The following TTBK1 variants were observed in gnomAD, a reference collection of about 807,000 sequenced individuals.
The protein encoded by TTBK1 is tau-tubulin kinase 1.
Under a neutral mutation model 108.5 loss-of-function variants are expected in TTBK1, and 34 were observed. The observed-to-expected ratio is 0.31, with a 90% CI of 0.24 to 0.42. The LOEUF is 0.42. Among genes scored for constraint, TTBK1 ranks in the 10% least tolerant of loss-of-function variants. The pLI is 1.00. For missense variants in TTBK1, 1,539 were observed against 1,826.0 expected (o/e 0.84, Z 2.86); for synonymous variants, 809 against 795.1 (o/e 1.02, Z -0.29).
Position 43,270,770 on chromosome 6 carries a change from G to A in TTBK1, c.1986+7420G>A, listed in dbSNP as rs77237457. The A allele has an allele frequency of 8.4e-5, 83 of 985,454 alleles. No homozygotes were observed. The East Asian group carries it at 6.2e-3, about 74-fold the overall frequency. 61.0% of individuals were successfully genotyped at this position (985,454 alleles called of 1,614,324 possible). On this transcript the variant is annotated intron_variant, in intron 13 of 14. Transcript: ENST00000259750. ...CCAAGGCAGGCTGGAACTGAGCAAC[G>A]AGGAGACCCAGCTTAGAAGCAGTGG...
At chr6:43,280,558 C>T (rs1474322583) in intron 13 of TTBK1, among the ~76,000 whole-genome samples, 2 of 152,146 alleles carry the variant, frequency 1.3e-5, no homozygotes, top group African/African-American at 4.8e-5. Context: ...ACTTGATCCA[C>T]AGATTCTTAG....
At chr6:43,251,778 C>T (rs900883718) in intron 2 of TTBK1, among the ~76,000 whole-genome samples, 5 of 152,334 alleles carry the variant, frequency 3.3e-5, no homozygotes, top group African/African-American at 1.2e-4. Flanking sequence ...GTGCCCCCTG[C>T]CCTGGAGAGG....
At chr6:43,271,866 G>GGGGCGCC in intron 13 of TTBK1, 1 of 979,714 alleles carries the variant, frequency 1.0e-6, no homozygotes, top group South Asian at 4.7e-5. Flanking sequence ...TAATACTTGT[G>GGGGCGCC]CCCCACCCCC....
At chr6:43,262,685 C>G (rs762596908) in intron 12 of TTBK1, 104 bp from the exon 13 acceptor site, 2 of 1,168,064 alleles carry the variant, frequency 1.7e-6, no homozygotes, top group East Asian at 2.6e-5. Flanking sequence ...AGGGGTACTG[C>G]GGTCAGGAGG....
chr6:43,285,082 A>G lies in TTBK1; in HGVS notation c.3672A>G (p.Gly1224=). 6.7e-7 allele frequency: 1 copy of G among 1,489,086 alleles called. No homozygotes were observed. The highest frequency in any genetic ancestry group is 8.9e-7 in the Non-Finnish European group (1 of 1,127,660). The allele number at this position is 1,489,086 out of a possible 1,614,324, so 92.2% of individuals were successfully genotyped here. A position where few individuals can be genotyped will look rare whatever the true frequency, so the allele number is the denominator to read the frequency against. ...TGGGCCCAGGGCGAGCCCAAGCCGG[A>G]GCCAGGCCCCCAGCGCCGCGCAGCC... ...RGLGPGRAQA[G]ARPPAPRSPR... Residue 1224 remains glycine (G), a synonymous_variant, in exon 15 of 15, where the codon GGA becomes GGG. Coordinates refer to ENST00000259750, the MANE Select transcript of TTBK1 (RefSeq NM_032538.3). This position sits in a 1 kb window ranked among gnomAD's most constrained non-coding sequence, Gnocchi z 4.7.
rs1040627812 is a variant in TTBK1 at position 43,243,832 on chromosome 6, G to T, written c.-55+124G>T. The T allele has an allele frequency of 2.0e-5, 3 of 152,554 alleles. No individual in the cohort carries two copies. The highest frequency in any genetic ancestry group is 7.2e-5 in the African/African-American group (3 of 41,436). The allele number at this position is 152,554 out of a possible 1,614,324, so 9.5% of individuals were successfully genotyped here. On this transcript the variant is annotated intron_variant, in intron 1 of 14. Transcript: ENST00000259750. The surrounding 1 kb of genome is among the most constrained non-coding windows in gnomAD (Gnocchi z 5.5). ...CCCCTCCGCGCTGCTGTCGCCGCCC[G>T]CTGGGCTGGGACGCTGGCCTACACC...
At chr6:43,248,776 T>G (rs1480582742) in intron 2 of TTBK1, among the ~76,000 whole-genome samples, 1 of 152,178 alleles carries the variant, frequency 6.6e-6, no homozygotes, top group African/African-American at 2.4e-5. Context: ...GAGGATCGCT[T>G]GAGCCCAGGA....
At position 43,259,345 on chromosome 6, in the gene TTBK1, G is replaced by T. The variant is rs1025944998; in HGVS notation, c.1248+76G>T. 1.1e-5 allele frequency: 15 copies of T among 1,372,096 alleles called. No homozygotes were observed. In the Admixed American group the frequency reaches 3.8e-4, roughly 35 times the overall value. 85.0% of individuals were successfully genotyped at this position (1,372,096 alleles called of 1,614,324 possible). A position where few individuals can be genotyped will look rare whatever the true frequency, so the allele number is the denominator to read the frequency against. On this transcript the variant is annotated intron_variant, in intron 11 of 14. Transcript: ENST00000259750. This position sits in a 1 kb window ranked among gnomAD's most constrained non-coding sequence, Gnocchi z 6.7. ...ATTCCCAGCCTTGTGCCCCTGCCCT[G>T]TTCCTCCTAAGCACCCTGTCCCCGG...
chr6:43,270,173 A>G lies in TTBK1; in HGVS notation c.1986+6823A>G. On this transcript the variant is annotated intron_variant, in intron 13 of 14. Coordinates refer to ENST00000259750, the MANE Select transcript of TTBK1 (RefSeq NM_032538.3). ...CCCATCAGCTCCCTTTGTAGGTGCC[A>G]GCCAAATGGTGCAGGGAGGGGTGGG... 3 of 1,358,152 alleles carry G rather than the reference A, an allele frequency of 2.2e-6. No homozygotes were observed. In the African/African-American group the frequency reaches 4.6e-5, roughly 21 times the overall value. The allele number at this position is 1,358,152 out of a possible 1,614,324, so 84.1% of individuals were successfully genotyped here. A position where few individuals can be genotyped will look rare whatever the true frequency, so the allele number is the denominator to read the frequency against.
intron 2 of TTBK1, among the ~76,000 whole-genome samples, chr6:43,247,338 C>T (rs991054800): frequency 6.6e-6 from 1 of 152,182 alleles, no homozygotes; most frequent in Non-Finnish European, 1.5e-5. Flanking sequence ...TCGGGCTGCT[C>T]GGCCTGCTGG....
At chr6:43,284,449 C>G in intron 14 of TTBK1, 137 bp downstream of exon 14, 5 of 1,369,976 alleles carry the variant, frequency 3.6e-6, no homozygotes, top group African/African-American at 3.1e-5. Context: ...TCCAGCACCT[C>G]CCAACTGTGC....
At position 43,253,372 on chromosome 6, in the gene TTBK1, C is replaced by T. The variant is rs1362945188; in HGVS notation, c.330+8C>T. ...GTAGTGATGCAGCTCCAGGTGAGTC[C>T]CCGTGGCCCATCCTCGCTCCCCTCT... is the stretch of plus-strand genomic sequence containing the variant. On this transcript the variant is annotated splice_region_variant and intron_variant, in intron 4 of 14. Coordinates refer to ENST00000259750, the MANE Select transcript of TTBK1 (RefSeq NM_032538.3). This position sits in a 1 kb window ranked among gnomAD's most constrained non-coding sequence, Gnocchi z 5.8. The T allele has an allele frequency of 1.9e-6, 3 of 1,613,904 alleles. No individual in the cohort carries two copies. In the East Asian group the frequency reaches 6.7e-5, roughly 36 times the overall value.
rs903892654 is a variant in TTBK1 at position 43,269,108 on chromosome 6, G to T, written c.1986+5758G>T. ...CAAACACGAGTAATTGGGCTCTAGA[G>T]TACCACCTTATGCCGCATGGTCACC... is the stretch of plus-strand genomic sequence containing the variant. On this transcript the variant is annotated intron_variant, in intron 13 of 14. Coordinates refer to ENST00000259750, the MANE Select transcript of TTBK1 (RefSeq NM_032538.3). This position sits in a 1 kb window ranked among gnomAD's most constrained non-coding sequence, Gnocchi z 4.8. 6.6e-6 allele frequency among the ~76,000 whole-genome samples: 1 copy of T among 152,228 alleles called. No individual in the cohort carries two copies. Among genetic ancestry groups the T allele is most frequent in the African/African-American group, 2.4e-5 (1 of 41,458 alleles).
chr6:43,269,188 A>G lies in TTBK1; in HGVS notation c.1986+5838A>G, dbSNP rs1312351966. ...GGGGGTGCCAAGGCGGAGGGTGTAC[A>G]GGGAAAGTTTCTGAGCCCTAATGAG... On this transcript the variant is annotated intron_variant, in intron 13 of 14. Coordinates refer to ENST00000259750, the MANE Select transcript of TTBK1 (RefSeq NM_032538.3). The surrounding 1 kb of genome is among the most constrained non-coding windows in gnomAD (Gnocchi z 4.8). Among the ~76,000 whole-genome samples the G allele has an allele frequency of 4.6e-5, 7 of 152,246 alleles. No homozygotes were observed. The highest frequency in any genetic ancestry group is 2.9e-5 in the Non-Finnish European group (2 of 68,042).
chr6:43,253,721 C>A lies in TTBK1; in HGVS notation c.471+13C>A. On this transcript the variant is annotated intron_variant, in intron 5 of 14. Coordinates refer to ENST00000259750, the MANE Select transcript of TTBK1 (RefSeq NM_032538.3). This position sits in a 1 kb window ranked among gnomAD's most constrained non-coding sequence, Gnocchi z 5.8. ...TGACATCAAGCCTGTGAGTACTGCC[C>A]CCACACGCCTCTCTGTTCCCTCCTC... is the stretch of plus-strand genomic sequence containing the variant. 2 of 1,606,928 alleles carry A rather than the reference C, an allele frequency of 1.2e-6. No homozygotes were observed. Among genetic ancestry groups the A allele is most frequent in the East Asian group, 2.2e-5 (1 of 44,748 alleles).
At position 43,283,612 on chromosome 6, in the gene TTBK1, G is replaced by C. The variant is rs1433518266; in HGVS notation, c.2872G>C (p.Gly958Arg). The C allele has an allele frequency of 6.2e-7, 1 of 1,614,146 alleles. No individual in the cohort carries two copies. The highest frequency in any genetic ancestry group is 8.5e-7 in the Non-Finnish European group (1 of 1,179,996). ...ALRSEEFSAG[G>R]ELGLELASDG... ...GCGGTCTGAGGAGTTCAGCGCTGGGGGCGAGCTGGGTCTGGAGCTGGCCTC... is the reference window on the plus strand; with the variant it reads ...GCGGTCTGAGGAGTTCAGCGCTGGGCGCGAGCTGGGTCTGGAGCTGGCCTC... Residue 958 changes from glycine to arginine, a missense_variant, in exon 14 of 15, where the codon GGC (glycine) becomes CGC (arginine). This residue lies in a region of TTBK1 where 1,055 missense variants were observed against 1,086.5 expected (regional missense o/e 0.97). Coordinates refer to ENST00000259750, the MANE Select transcript of TTBK1 (RefSeq NM_032538.3). The surrounding 1 kb of genome is among the most constrained non-coding windows in gnomAD (Gnocchi z 8.1).
chr6:43,247,828 T>C (rs1400057967), intron 2 of TTBK1, among the ~76,000 whole-genome samples: 2 of 152,088 alleles, frequency 1.3e-5, no homozygotes, highest in African/African-American at 2.4e-5. Flanking sequence ...TGGCGACGTT[T>C]TCAGAGATGT....
intron 10 of TTBK1, 93 bp from the exon 11 acceptor site, chr6:43,258,945 G>C (rs943480082): frequency 3.4e-6 from 3 of 875,724 alleles, no homozygotes; most frequent in Non-Finnish European, 5.2e-6. Flanking sequence ...CGCTCCTGGG[G>C]GTGGTCTCCA....
Position 43,263,214 on chromosome 6 carries a change from C to G in TTBK1, c.1850C>G (p.Pro617Arg). ...CAGCATTTGCCGCCCCAGCCCCTGC[C>G]ACCCCAGCTGAGCCAGGGCGATGGC... is the stretch of plus-strand genomic sequence containing the variant. ...DLQHLPPQPLPPQLSQGDGRS... is the reference protein window; with the variant it reads ...DLQHLPPQPLRPQLSQGDGRS... The change falls in exon 13 of 15, where the codon CCA becomes CGA. Residue 617 changes from proline to arginine, a missense_variant. Physicochemically the swap from Pro to Arg is moderately radical, Grantham distance 103. This residue lies in a region of TTBK1 where 1,055 missense variants were observed against 1,086.5 expected (regional missense o/e 0.97). Transcript: ENST00000259750. The surrounding 1 kb of genome is among the most constrained non-coding windows in gnomAD (Gnocchi z 4.7). 6.3e-7 allele frequency: 1 copy of G among 1,579,048 alleles called. No individual in the cohort carries two copies. The highest frequency in any genetic ancestry group is 1.2e-5 in the South Asian group (1 of 86,518).
Sources: gnomAD v4.1 joint callset for allele counts (sites outside exome capture counted in the v4.1 genomes callset) on GRCh38, gnomAD v4.1.1 for gene constraint, gnomAD v4.1.1 regional missense constraint, Gnocchi (gnomAD v3.1) non-coding constraint, MANE v1.5 for transcripts, NCBI Gene and HGNC (gene_info 2026-07-23, HGNC 2026-07-21) for gene names.